The following MFSD12 variants were observed in gnomAD, a reference collection of about 807,000 sequenced individuals.
The protein encoded by MFSD12 is major facilitator superfamily domain containing 12, also known as major facilitator superfamily domain-containing protein 12.
A neutral mutation model predicts 51.2 loss-of-function variants in MFSD12; 67 were observed. That is an observed-to-expected ratio of 1.31 (90% CI 1.08 to 1.60). The LOEUF is 1.60. Ranked by LOEUF, MFSD12 falls within the 40% of genes most tolerant of loss-of-function variation. MFSD12 has a pLI of 0.00. For synonymous variants in MFSD12, 441 were observed against 316.7 expected (o/e 1.39, Z -4.17); for missense variants, 921 against 673.0 (o/e 1.37, Z -4.08).
chr19:3,546,576 G>A (rs761247175), intron 6 of MFSD12, 151 bp from the exon 7 acceptor site: 35 of 924,952 alleles, frequency 3.8e-5, no homozygotes, highest in Non-Finnish European at 4.8e-5. Context: ...ACACAACACC[G>A]AGGCTCTGCA....
downstream of MFSD12, chr19:3,543,812 C>A: frequency 2.7e-6 from 4 of 1,508,234 alleles, no homozygotes; most frequent in Non-Finnish European, 2.7e-6. Context: ...ACATGGTGAC[C>A]CGAGTCCCAC....
At chr19:3,542,677 TTTACCATGC>T (rs2030512998), downstream of MFSD12, 2 of 1,196,852 alleles carry the variant, frequency 1.7e-6, no homozygotes, top group Middle Eastern at 7.3e-4. Context: ...GAGATGGGGT[TTTACCATGC>T]TGGCCAGGCT....
chr19:3,540,972 C>T (rs62130581), downstream of MFSD12, among the ~76,000 whole-genome samples: 3,538 of 151,632 alleles, frequency 0.023, 41 homozygotes, highest in Non-Finnish European at 0.038. Flanking sequence ...AGATCAAGAC[C>T]AACCTGGCCA....
chr19:3,544,057 G>C, downstream of MFSD12: 1 of 1,489,042 alleles, frequency 6.7e-7, no homozygotes, highest in Non-Finnish European at 9.0e-7. Flanking sequence ...CCAGATGAGG[G>C]GGCACTAACC....
chr19:3,550,936 CGA>C, intron 2 of MFSD12, 46 bp downstream of exon 2: 7 of 1,541,366 alleles, frequency 4.5e-6, no homozygotes, highest in Non-Finnish European at 6.2e-6. Flanking sequence ...ACTGATACAC[CGA>C]GCCGGGGCCC....
chr19:3,543,710 GAGGCCAGGGGGACA>G, downstream of MFSD12: 1 of 1,503,298 alleles, frequency 6.7e-7, no homozygotes, highest in Non-Finnish European at 8.9e-7. Context: ...GGGTCCTTGG[GAGGCCAGGGGGACA>G]AGGCCACCTA....
chr19:3,542,540 C>G, downstream of MFSD12: 1 of 875,966 alleles, frequency 1.1e-6, no homozygotes, highest in Non-Finnish European at 1.4e-6. Context: ...AGGGCACGAT[C>G]TCAGCTTACT....
rs1010441719 is a variant in MFSD12, at chr19:3,552,538, G to A, written c.299-1344C>T. 7.7e-5 allele frequency among the ~76,000 whole-genome samples: 11 copies of A among 141,956 alleles called. No individual in the cohort carries two copies. In the East Asian group the frequency reaches 1.1e-3, roughly 14 times the overall value. The allele number at this position is 141,956 out of a possible 152,430, so 93.1% of individuals were successfully genotyped here. On this transcript the variant is annotated intron_variant, in intron 1 of 9. Transcript: ENST00000355415. Reference sequence around the variant, plus strand: ...TGCCCAGGCTGGAGTGCAGTGGTGCGATCTCAGCTCATTGCAGCCTCTGCC... The same window carrying A: ...TGCCCAGGCTGGAGTGCAGTGGTGCAATCTCAGCTCATTGCAGCCTCTGCC...
At chr19:3,543,072 G>T (rs2030563359), downstream of MFSD12, 3 of 1,588,538 alleles carry the variant, frequency 1.9e-6, no homozygotes, top group Non-Finnish European at 2.6e-6. Flanking sequence ...ACCCACTCTG[G>T]GGTGAGGGGT....
rs765658698 is a variant in MFSD12 at position 3,548,234 on chromosome 19, G to A, written c.543C>T (p.Val181=). The part of the protein sequence containing the change: ...YAFTVVANIT[V]YGAAWLLLHL... ...GCAGCAGGAGCCAGGCGGCGCCGTA[G>A]ACGGTGATGTTGGCCACCACGGTGA... The change falls in exon 3 of 10, where the codon GTC becomes GTT. Residue 181 remains valine, a synonymous_variant. Transcript: ENST00000355415. 5 of 1,552,014 alleles carry A rather than the reference G, an allele frequency of 3.2e-6. No homozygotes were observed. Among genetic ancestry groups the A allele is most frequent in the South Asian group, 2.4e-5 (2 of 84,558 alleles).
chr19:3,544,959 A>T lies in MFSD12; in HGVS notation c.1290-20T>A. On this transcript the variant is annotated intron_variant, in intron 8 of 9. Coordinates refer to ENST00000355415, the MANE Select transcript of MFSD12 (RefSeq NM_174983.5). ...TCTGAGCTGTGGGAGGAGGCGGGGG[A>T]TGAGTAGGCACCGCGGGTACCACCC... The T allele has an allele frequency of 6.3e-7, 1 of 1,594,104 alleles. No homozygotes were observed. The highest frequency in any genetic ancestry group is 8.5e-7 in the Non-Finnish European group (1 of 1,172,784).
chr19:3,550,000 T>TTAGGGC (rs1488629636), intron 2 of MFSD12, among the ~76,000 whole-genome samples: 13 of 152,074 alleles, frequency 8.5e-5, no homozygotes, highest in Admixed American at 1.3e-4. Context: ...GAGAGAGGGC[T>TTAGGGC]TAGGGCTTCC....
At chr19:3,554,179 G>T (rs538305960) in intron 1 of MFSD12, among the ~76,000 whole-genome samples, 1 of 152,244 alleles carries the variant, frequency 6.6e-6, no homozygotes, top group Admixed American at 6.5e-5. Flanking sequence ...GCTCACACCT[G>T]TAATCCCAGC....
chr19:3,544,447 A>C lies in MFSD12; in HGVS notation c.*263T>G, dbSNP rs766071083. 47 of 1,339,418 alleles carry C rather than the reference A, an allele frequency of 3.5e-5. No homozygotes were observed. In the South Asian group the frequency reaches 7.7e-4, roughly 22 times the overall value. The allele number at this position is 1,339,418 out of a possible 1,614,324, so 83.0% of individuals were successfully genotyped here. A position where few individuals can be genotyped will look rare whatever the true frequency, so the allele number is the denominator to read the frequency against. On this transcript the variant is annotated 3_prime_UTR_variant, in exon 10 of 10. Transcript: ENST00000355415. ...GATTCCTACTTCCTGTTCCCTGCCG[A>C]GAGGGGCACCCCAAATCCTCCAGAG...
chr19:3,548,069 A>G, intron 3 of MFSD12, 39 bp from the exon 4 acceptor site: 1 of 1,599,544 alleles, frequency 6.3e-7, no homozygotes, highest in South Asian at 1.1e-5. Context: ...TGGCGGGCCC[A>G]GCCCCCGCCC....
chr19:3,538,494 G>A, exon 5 of MFSD12: 2 of 333,420 alleles, frequency 6.0e-6, no homozygotes. Flanking sequence ...CTGATTCTGT[G>A]GATTGGTCTG....
chr19:3,555,449 G>C (rs1421956588), intron 1 of MFSD12, among the ~76,000 whole-genome samples: 1 of 152,132 alleles, frequency 6.6e-6, no homozygotes, highest in Non-Finnish European at 1.5e-5. Context: ...CAACTATTAT[G>C]ATCAAAGAGG....
chr19:3,541,685 A>C (rs2030430314), downstream of MFSD12: 1 of 985,260 alleles, frequency 1.0e-6, no homozygotes, highest in African/African-American at 1.7e-5. Context: ...CAAGTGTGTA[A>C]TAACGGGGGT....
At chr19:3,545,633 G>T (rs79499489) in intron 8 of MFSD12, among the ~76,000 whole-genome samples, 2 of 152,188 alleles carry the variant, frequency 1.3e-5, no homozygotes, top group Non-Finnish European at 1.5e-5. Flanking sequence ...CACCCACGCC[G>T]GTACCAACCA....
Sources: gnomAD v4.1 joint callset for allele counts (sites outside exome capture counted in the v4.1 genomes callset) on GRCh38, gnomAD v4.1.1 for gene constraint, MANE v1.5 for transcripts, NCBI Gene and HGNC (gene_info 2026-07-23, HGNC 2026-07-21) for gene names.